Variants in BRWD3 observed in about 807,000 individuals in gnomAD.
The protein encoded by BRWD3 is bromodomain and WD repeat domain containing 3, also known as bromodomain and WD repeat-containing protein 3.
In BRWD3, 10 loss-of-function variants were observed where a neutral mutation model predicts 149.7. The observed-to-expected ratio is 0.07, with a 90% CI of 0.04 to 0.11. The LOEUF (loss-of-function observed/expected upper bound fraction) is 0.11, where lower values mean the gene tolerates loss of function less well. BRWD3 is among the 10% of genes least tolerant of loss of function. BRWD3 has a pLI of 1.00. For missense variants in BRWD3, 940 were observed against 1,373.2 expected (o/e 0.68, Z 4.99); for synonymous variants, 504 against 456.7 (o/e 1.10, Z -1.32).
chrX:80,693,173 C>A, intron 27 of BRWD3, 122 bp from the exon 28 acceptor site: 1 of 526,216 alleles, frequency 1.9e-6, no homozygotes, highest in South Asian at 3.1e-5. Flanking sequence ...AAGCTTCCAT[C>A]TAGGTTTTCG....
chrX:80,753,259 C>A (rs2073693135), intron 6 of BRWD3, among the ~76,000 whole-genome samples: 1 of 101,255 alleles, frequency 9.9e-6, no homozygotes, highest in African/African-American at 3.7e-5. Context: ...GTTATTGTTG[C>A]CTGTGCTTTT....
chrX:80,779,293 C>T (rs1302122843), intron 6 of BRWD3, among the ~76,000 whole-genome samples: 1 of 110,156 alleles, frequency 9.1e-6, no homozygotes, highest in African/African-American at 3.3e-5. Flanking sequence ...CCAGCCTGGG[C>T]AACAAGGGAG....
intron 20 of BRWD3, among the ~76,000 whole-genome samples, chrX:80,714,898 T>C (rs768476847): frequency 2.2e-4 from 25 of 112,175 alleles, no homozygotes; most frequent in Admixed American, 5.7e-4. Flanking sequence ...AGTATGTTCA[T>C]TTAGTAAACA....
chrX:80,686,747 G>C, intron 35 of BRWD3, 116 bp downstream of exon 35: 2 of 773,603 alleles, frequency 2.6e-6, no homozygotes, highest in Non-Finnish European at 3.8e-6. Context: ...ACAATCAAAA[G>C]ACTGGAAAAA....
At chrX:80,777,917 G>A (rs1438352619) in intron 6 of BRWD3, among the ~76,000 whole-genome samples, 1 of 111,304 alleles carries the variant, frequency 9.0e-6, no homozygotes, top group African/African-American at 3.3e-5. Context: ...CTCCCAAAGT[G>A]CTAGATGACA....
In BRWD3 at chrX:80,671,452, A is replaced by C. The variant is rs1291710975; in HGVS notation, c.*5157T>G. 8.9e-6 allele frequency: 1 copy of C among 112,285 alleles called. No individual in the cohort carries two copies. 9.3% of individuals were successfully genotyped at this position (112,285 alleles called of 1,213,427 possible). A position where few individuals can be genotyped will look rare whatever the true frequency, so the allele number is the denominator to read the frequency against. ...AAAGACCTAAGAGTTACATGTTACA[A>C]TCTCTAAAGCTGAATAGGTAACTCC... is the stretch of plus-strand genomic sequence containing the variant. On this transcript the variant is annotated 3_prime_UTR_variant, in exon 41 of 41. Transcript: ENST00000373275.
chrX:80,702,863 T>G (rs1298655432), intron 24 of BRWD3, among the ~76,000 whole-genome samples: 2 of 111,953 alleles, frequency 1.8e-5, no homozygotes, highest in Admixed American at 9.5e-5. Context: ...AACATTTAAT[T>G]GATTAAAAAA....
At chrX:80,766,988 C>G (rs1298706106) in intron 6 of BRWD3, among the ~76,000 whole-genome samples, 1 of 112,506 alleles carries the variant, frequency 8.9e-6, no homozygotes. Context: ...GAATCCCAAG[C>G]CCACCAAGCC....
rs765575249 is a variant in BRWD3 at position 80,691,914 on chromosome X, T to G, written c.3390A>C (p.Leu1130=). 4 of 1,209,654 alleles carry G rather than the reference T, an allele frequency of 3.3e-6. No individual in the cohort carries two copies. In the South Asian group the frequency reaches 5.3e-5, roughly 16 times the overall value. ...PVSQEELTAL[L]YKPQEGEWGA... is the part of the protein sequence containing the mutation. ...CCCACTCTCCTTCCTGGGGTTTGTATAGCAAAGCAGTCAATTCTTCCTGGG... is the reference window on the plus strand; with the variant it reads ...CCCACTCTCCTTCCTGGGGTTTGTAGAGCAAAGCAGTCAATTCTTCCTGGG... Residue 1130 remains leucine (L), a synonymous_variant, in exon 30 of 41, where the codon CTA becomes CTC. Coordinates refer to ENST00000373275, the MANE Select transcript of BRWD3 (RefSeq NM_153252.5).
At chrX:80,706,559 T>C (rs1421019656) in intron 22 of BRWD3, among the ~76,000 whole-genome samples, 1 of 112,143 alleles carries the variant, frequency 8.9e-6, no homozygotes, top group African/African-American at 3.2e-5. Context: ...CCGTCTTCCA[T>C]CTCCACATCT....
At position 80,809,030 on chromosome X, in the gene BRWD3, C is replaced by G; in HGVS notation, c.103G>C (p.Glu35Gln). 1 of 1,194,877 alleles carries G rather than the reference C, an allele frequency of 8.4e-7. No homozygotes were observed. The highest frequency in any genetic ancestry group is 1.1e-6 in the Non-Finnish European group (1 of 886,704). ...CNKSAQVLVQELEEHQLIPRR... is the reference protein window; with the variant it reads ...CNKSAQVLVQQLEEHQLIPRR... Reference sequence around the variant, plus strand: ...CTCCGTACCTGATGCTCCTCGAGCTCCTGCACTAGCACCTGAGCAAAAGGG... The same window carrying G: ...CTCCGTACCTGATGCTCCTCGAGCTGCTGCACTAGCACCTGAGCAAAAGGG... Residue 35 changes from glutamate to glutamine, a missense_variant, in exon 3 of 41, where the codon GAG becomes CAG. By Grantham distance (29) the Glu-to-Gln change is conservative (BLOSUM62 2). This residue lies in a region of BRWD3 where 105 missense variants were observed against 127.7 expected (regional missense o/e 0.82). Coordinates refer to ENST00000373275, the MANE Select transcript of BRWD3 (RefSeq NM_153252.5).
intron 9 of BRWD3, among the ~76,000 whole-genome samples, chrX:80,735,403 A>G (rs2073388974): frequency 8.9e-6 from 1 of 111,908 alleles, no homozygotes; most frequent in African/African-American, 3.2e-5. Flanking sequence ...TATTATTACT[A>G]TAGTTTTATT....
chrX:80,784,376 A>G (rs1218521980), intron 6 of BRWD3, among the ~76,000 whole-genome samples: 1 of 112,087 alleles, frequency 8.9e-6, no homozygotes, highest in Non-Finnish European at 1.9e-5. Flanking sequence ...CTTCAAATAA[A>G]CATTAAACAC....
At chrX:80,786,454 T>C (rs532166184) in intron 6 of BRWD3, among the ~76,000 whole-genome samples, 1 of 110,795 alleles carries the variant, frequency 9.0e-6, no homozygotes, top group South Asian at 3.8e-4. Flanking sequence ...TGAAAGATGA[T>C]CTGTTTTCAC....
chrX:80,808,660 T>G, intron 3 of BRWD3, 62 bp from the exon 4 acceptor site: 2 of 1,039,920 alleles, frequency 1.9e-6, no homozygotes, highest in Non-Finnish European at 2.7e-6. Context: ...AAGCCTCCGC[T>G]CCCCATCAAC....
chrX:80,720,551 A>T, intron 17 of BRWD3, among the ~76,000 whole-genome samples: 1 of 108,569 alleles, frequency 9.2e-6, no homozygotes, highest in East Asian at 2.8e-4. Flanking sequence ...CGAAAAGTTA[A>T]AAAACAAACA....
chrX:80,735,776 C>T (rs1330868697), intron 9 of BRWD3, among the ~76,000 whole-genome samples: 1 of 102,940 alleles, frequency 9.7e-6, no homozygotes, highest in African/African-American at 3.6e-5. Context: ...TGCACTCCAG[C>T]CTGGGCAACA....
At chrX:80,753,095 G>C (rs1292135174) in intron 6 of BRWD3, among the ~76,000 whole-genome samples, 2 of 111,420 alleles carry the variant, frequency 1.8e-5, no homozygotes, top group Admixed American at 9.5e-5. Context: ...TGTATATTTT[G>C]GTTATTAGTC....
rs1308209233 is a variant in BRWD3 at position 80,809,490 on chromosome X, T to TG, written c.-20dup. 10 of 881,284 alleles carry TG rather than the reference T, an allele frequency of 1.1e-5. No homozygotes were observed. The highest frequency in any genetic ancestry group is 1.5e-5 in the Non-Finnish European group (10 of 664,919). 72.6% of individuals were successfully genotyped at this position (881,284 alleles called of 1,213,427 possible). ...CCGCCATCCTTTTCCCGAGGGGGTT[T>TG]GGGGGCTTCGCTCCGGAGGGGCTGG... On this transcript the variant is annotated 5_prime_UTR_variant, in exon 1 of 41. Coordinates refer to ENST00000373275, the MANE Select transcript of BRWD3 (RefSeq NM_153252.5).
Sources: allele counts gnomAD v4.1 joint callset (sites outside exome capture counted in the v4.1 genomes callset), GRCh38; gene constraint gnomAD v4.1.1; regional missense constraint gnomAD v4.1.1; transcripts MANE v1.5; gene names NCBI Gene and HGNC (gene_info 2026-07-23, HGNC 2026-07-21).